Variants in MGAM observed in about 807,000 individuals in gnomAD.
The protein encoded by MGAM is maltase-glucoamylase.
Under a neutral mutation model 358.8 loss-of-function variants are expected in MGAM, and 253 were observed. That is an observed-to-expected ratio of 0.71 (90% CI 0.64 to 0.78). The LOEUF is 0.78. MGAM is among the 30% of genes least tolerant of loss of function. The pLI, the probability that MGAM is intolerant of heterozygous loss-of-function variation, is 0.00. For missense variants in MGAM, 3,080 were observed against 3,432.6 expected (o/e 0.90, Z 2.57); for synonymous variants, 1,105 against 1,227.1 (o/e 0.90, Z 2.08).
chr7:142,008,839 C>A (rs1805378645), intron 3 of MGAM, 134 bp downstream of exon 3: 1 of 914,404 alleles, frequency 1.1e-6, no homozygotes, highest in Non-Finnish European at 1.6e-6. Context: ...ATTAGTGGCT[C>A]AGGCAAATTA....
In MGAM at chr7:142,059,922, G is replaced by C; in HGVS notation, c.4015G>C (p.Val1339Leu). The C allele has an allele frequency of 6.2e-7, 1 of 1,610,616 alleles. No individual in the cohort carries two copies. Among genetic ancestry groups the C allele is most frequent in the Non-Finnish European group, 8.5e-7 (1 of 1,178,466 alleles). ...PAFTRGVEDD[V>L]FIKYPNDGDI... ...CTTCACTCGGGGCGTGGAGGATGACGTCTTCATCAAATACCCAAATGATGG... is the reference window on the plus strand; with the variant it reads ...CTTCACTCGGGGCGTGGAGGATGACCTCTTCATCAAATACCCAAATGATGG... Residue 1339 changes from valine (V) to leucine (L), a missense_variant, in exon 33 of 71, where the codon GTC becomes CTC. Val to Leu is a conservative substitution (Grantham distance 32). Coordinates refer to ENST00000475668, the MANE Select transcript of MGAM (RefSeq NM_001365693.1).
chr7:142,044,621 GTATATTATATACACGTGTAATATATGATA>G (rs1308174690), intron 21 of MGAM, among the ~76,000 whole-genome samples: 37 of 87,716 alleles, frequency 4.2e-4, no homozygotes, highest in African/African-American at 1.1e-3. Flanking sequence ...GATATATAAT[GTATATTATATACACGTGTAATATATGATA>G]TATAATGTAT....
At chr7:142,002,066 C>G (rs1804777617) in intron 1 of MGAM, among the ~76,000 whole-genome samples, 1 of 152,146 alleles carries the variant, frequency 6.6e-6, no homozygotes. Context: ...TTCTCATGCT[C>G]TATTTAGCAC....
At chr7:141,989,127 A>AGAGG (rs1803828123) in intron 2 of MGAM, among the ~76,000 whole-genome samples, 1 of 151,470 alleles carries the variant, frequency 6.6e-6, no homozygotes, top group African/African-American at 2.4e-5. Context: ...TGTGAGAGAA[A>AGAGG]GAGGGAGAGA....
At chr7:142,105,388 A>G (rs1816763371) in intron 70 of MGAM, among the ~76,000 whole-genome samples, 1 of 152,004 alleles carries the variant, frequency 6.6e-6, no homozygotes, top group Non-Finnish European at 1.5e-5. Flanking sequence ...CCCAAGTTCA[A>G]GTGATTCTCC....
intron 25 of MGAM, 43 bp downstream of exon 25, chr7:142,052,489 C>T: frequency 4.4e-6 from 7 of 1,606,464 alleles, no homozygotes; most frequent in East Asian, 2.2e-5. Context: ...AATCTCCACA[C>T]CTAATCTGTA....
chr7:142,019,400 G>A, intron 4 of MGAM, 81 bp downstream of exon 4: 1 of 1,470,596 alleles, frequency 6.8e-7, no homozygotes, highest in South Asian at 1.2e-5. Context: ...AGCCTGCAGA[G>A]TTCTGCTCTG....
chr7:142,050,254 G>A lies in MGAM; in HGVS notation c.2607G>A (p.Val869=), dbSNP rs2960736. The A allele has an allele frequency of 8.7e-6, 14 of 1,613,628 alleles. 1 individual carries two copies. The highest frequency in any genetic ancestry group is 6.7e-5 in the East Asian group (3 of 44,878). Reference sequence around the variant, plus strand: ...TTTCAGATACTGTGGCCAATAAAGTGTATCTTTTATGTGAGTTTTCTGTCA... The same window carrying A: ...TTTCAGATACTGTGGCCAATAAAGTATATCTTTTATGTGAGTTTTCTGTCA... ...GETKDTVANK[V]YLLCEFSVTQ... is the part of the protein sequence containing the mutation. Residue 869 remains valine, a synonymous_variant, in exon 23 of 71, where the codon GTG becomes GTA. Transcript: ENST00000475668.
intron 60 of MGAM, 28 bp downstream of exon 60, chr7:142,093,578 G>A (rs1207707055): frequency 1.3e-6 from 2 of 1,489,748 alleles, no homozygotes; most frequent in South Asian, 1.2e-5. Context: ...TTCTCCAGCT[G>A]TCACAACCTG....
In MGAM at chr7:142,034,606, G is replaced by C. The variant is rs568143240; in HGVS notation, c.1788-64G>C. On this transcript the variant is annotated intron_variant, in intron 15 of 70. Transcript: ENST00000475668. ...TTTTAATGTCTTTTGTATTGTTGCT[G>C]TATCCCCTTGGCTGAGACAAGCTAA... 219 of 1,439,110 alleles carry C rather than the reference G, an allele frequency of 1.5e-4. 5 individuals are homozygous for C. In the South Asian group the frequency reaches 2.6e-3, roughly 17 times the overall value. The allele number at this position is 1,439,110 out of a possible 1,614,324, so 89.1% of individuals were successfully genotyped here.
At chr7:142,060,491 G>A in intron 34 of MGAM, 118 bp downstream of exon 34, 5 of 1,249,768 alleles carry the variant, frequency 4.0e-6, no homozygotes, top group Non-Finnish European at 5.8e-6. Context: ...GAAACACTTA[G>A]GTGATGTGTC....
chr7:142,045,459 ATATAT>A (rs1388192916), intron 21 of MGAM, among the ~76,000 whole-genome samples: 9 of 111,462 alleles, frequency 8.1e-5, no homozygotes, highest in African/African-American at 1.1e-4. Flanking sequence ...ATAATACATG[ATATAT>A]TATATATATT....
chr7:142,067,093 G>A (rs969427450), intron 41 of MGAM, among the ~76,000 whole-genome samples: 4 of 145,836 alleles, frequency 2.7e-5, no homozygotes, highest in African/African-American at 7.3e-5. Flanking sequence ...AATGTGCCAT[G>A]GTTAAGAAAT....
intron 1 of MGAM, among the ~76,000 whole-genome samples, chr7:142,003,423 C>T (rs928189856): frequency 6.6e-6 from 1 of 151,952 alleles, no homozygotes; most frequent in African/African-American, 2.4e-5. Context: ...CAAATACCTA[C>T]AATCAACTGA....
Position 142,064,422 on chromosome 7 carries a change from C to G in MGAM, c.4384C>G (p.Leu1462Val). 1 of 1,608,044 alleles carries G rather than the reference C, an allele frequency of 6.2e-7. No individual in the cohort carries two copies. Among genetic ancestry groups the G allele is most frequent in the South Asian group, 1.1e-5 (1 of 89,390 alleles). Residue 1462 changes from leucine (L) to valine (V), a missense_variant, in exon 37 of 71, where the codon CTT (leucine) becomes GTT (valine). Transcript: ENST00000475668. The part of the protein sequence containing the change: ...SRDRGLSSKT[L>V]CMESQQILPD... ...GGACAGGGGCCTGAGCAGCAAGACC[C>G]TTTGTATGGAGAGTCAGCAGATCCT...
chr7:142,027,770 AG>A (rs782087440), intron 10 of MGAM, 35 bp downstream of exon 10: 1 of 1,488,702 alleles, frequency 6.7e-7, no homozygotes, highest in South Asian at 1.5e-5. Flanking sequence ...CCAAAAGTAA[AG>A]AAATTCCCTT....
chr7:141,994,078 G>A (rs1485135938), upstream of MGAM, among the ~76,000 whole-genome samples: 2 of 152,214 alleles, frequency 1.3e-5, no homozygotes, highest in African/African-American at 4.8e-5. Context: ...GTTTCACCAT[G>A]TTGGCCAGGC....
Position 142,009,719 on chromosome 7 carries a change from C to T in MGAM, c.327+1014C>T, listed in dbSNP as rs543470096. 4.6e-5 allele frequency among the ~76,000 whole-genome samples: 7 copies of T among 150,702 alleles called. No individual in the cohort carries two copies. In the South Asian group the frequency reaches 1.2e-3, roughly 27 times the overall value. On this transcript the variant is annotated intron_variant, in intron 3 of 70. Transcript: ENST00000475668. ...GCCTTGGCGTTTATTAATTGGCATT[C>T]TCCTTTTTTGCTCAGCCAGAGAGAA...
intron 19 of MGAM, among the ~76,000 whole-genome samples, chr7:142,038,929 A>G (rs1434500236): frequency 6.6e-6 from 1 of 152,146 alleles, no homozygotes; most frequent in Non-Finnish European, 1.5e-5. Context: ...TTACAAAGAA[A>G]AGAGATTTCA....
Sources: allele counts gnomAD v4.1 joint callset (sites outside exome capture counted in the v4.1 genomes callset), GRCh38; gene constraint gnomAD v4.1.1; transcripts MANE v1.5; gene names NCBI Gene and HGNC (gene_info 2026-07-23, HGNC 2026-07-21).